NUDT16L1: variants seen among roughly 807,000 people sequenced by gnomAD.
NUDT16L1 encodes nudix hydrolase 16 like 1, also known as tudor-interacting repair regulator protein.
NUDT16L1 carries 19 observed loss-of-function variants against 17.3 expected under a neutral mutation model. The ratio of observed to expected loss-of-function variants is 1.10; its 90% CI spans 0.77 to 1.61. The LOEUF (loss-of-function observed/expected upper bound fraction) is 1.61. NUDT16L1 is among the 40% of genes most tolerant of loss of function. The pLI, the probability that NUDT16L1 is intolerant of heterozygous loss-of-function variation, is 0.00. For synonymous variants in NUDT16L1, 255 were observed against 138.6 expected, an observed-to-expected ratio of 1.84 and a Z score of -5.90; for missense variants, 341 against 292.0, an observed-to-expected ratio of 1.17 and a Z score of -1.22.
At chr16:4,695,539 G>C (rs1227762766) in exon 3 of NUDT16L1, 2 of 467,936 alleles carry the variant, frequency 4.3e-6, no homozygotes, top group African/African-American at 3.9e-5. Context: ...GGACCACTCA[G>C]AAGATGGGAT....
intron 2 of NUDT16L1, 189 bp from the exon 3 acceptor site, chr16:4,694,769 T>G: frequency 1.4e-6 from 2 of 1,430,334 alleles, no homozygotes; most frequent in Non-Finnish European, 1.8e-6. Flanking sequence ...CCACACTTGC[T>G]TGGGGAGGAG....
rs1341001578 is a variant in NUDT16L1, at chr16:4,695,391, G to A, written c.*212G>A. ...CCTCTCAGGCAGAGCAGGGTGGTCC[G>A]GGCACACTGGGCCTGCCTCTCCAGC... is the stretch of plus-strand genomic sequence containing the variant. On this transcript the variant is annotated 3_prime_UTR_variant, in exon 3 of 3. Coordinates refer to ENST00000304301, the Ensembl canonical transcript of NUDT16L1. 2.0e-5 allele frequency: 12 copies of A among 601,714 alleles called. No homozygotes were observed. The Admixed American group carries it at 2.4e-4, about 12-fold the overall frequency. 37.3% of individuals were successfully genotyped at this position (601,714 alleles called of 1,614,324 possible).
Position 4,694,850 on chromosome 16 carries a change from G to A in NUDT16L1, c.415-108G>A. On this transcript the variant is annotated intron_variant, in intron 2 of 2. Coordinates refer to ENST00000304301, the Ensembl canonical transcript of NUDT16L1. ...TGCGTGGGTCTCCCATTAAGTCCTT[G>A]GCAAAGCTGGCTGCTCATACCCTGG... The A allele has an allele frequency of 3.4e-6, 5 of 1,477,182 alleles. No homozygotes were observed. In the South Asian group the frequency reaches 4.0e-5, roughly 12 times the overall value. 91.5% of individuals were successfully genotyped at this position (1,477,182 alleles called of 1,614,324 possible).
At chr16:4,694,607 G>A (rs1185383470) in intron 2 of NUDT16L1, 2 of 1,430,084 alleles carry the variant, frequency 1.4e-6, no homozygotes, top group Non-Finnish European at 1.8e-6. Context: ...CCTCATGTTG[G>A]GCGTGAAGGC....
intron 2 of NUDT16L1, chr16:4,694,507 GA>G: frequency 6.7e-7 from 1 of 1,494,840 alleles, no homozygotes; most frequent in Non-Finnish European, 8.9e-7. Context: ...GGGGGAGTGG[GA>G]TCGGTGGGGA....
intron 2 of NUDT16L1, 23 bp downstream of exon 2, chr16:4,694,261 GC>G (rs1003414982): frequency 6.2e-6 from 9 of 1,457,150 alleles, no homozygotes; most frequent in Admixed American, 5.2e-5. Context: ...CCCGGGCCCC[GC>G]CCCCCGCCCC....
chr16:4,695,206 C>T (rs2079517154), exon 3 of NUDT16L1: 1 of 1,602,076 alleles, frequency 6.2e-7, no homozygotes, highest in Non-Finnish European at 8.5e-7. Context: ...TGGCACCCTC[C>T]CCTGGGCCGG....
intron 2 of NUDT16L1, 86 bp from the exon 3 acceptor site, chr16:4,694,872 C>T (rs536385266): frequency 1.3e-5 from 20 of 1,510,740 alleles, no homozygotes; most frequent in African/African-American, 1.1e-4. Context: ...TGCTCATACC[C>T]TGGCCTCATA....
chr16:4,695,758 TTCCCAGGGACAGTCAGGGCCTCGGGGG>T (rs1238972096), exon 3 of NUDT16L1: 1 of 397,802 alleles, frequency 2.5e-6, no homozygotes, highest in African/African-American at 2.1e-5. Context: ...CGTGGCTTGG[TTCCCAGGGACAGTCAGGGCCTCGGGGG>T]CCCAGCTATG....
chr16:4,694,274 G>C (rs1238575998), intron 2 of NUDT16L1, 36 bp downstream of exon 2: 7 of 1,463,104 alleles, frequency 4.8e-6, no homozygotes, highest in South Asian at 1.4e-5. Context: ...CCCCGCCCCG[G>C]GGTTTGGCTC....
rs866395208 is a variant in NUDT16L1 at position 4,694,712 on chromosome 16, G to A, written c.415-246G>A. 1.9e-4 allele frequency: 269 copies of A among 1,425,266 alleles called. No homozygotes were observed. In the Middle Eastern group the frequency reaches 4.8e-3, roughly 26 times the overall value. 88.3% of individuals were successfully genotyped at this position (1,425,266 alleles called of 1,614,324 possible). Reference sequence around the variant, plus strand: ...GGGGAGCATGGGGTGCGGACCCCGGGGTGGGGTGGCCTGGGTACGAGGGGG... The same window carrying A: ...GGGGAGCATGGGGTGCGGACCCCGGAGTGGGGTGGCCTGGGTACGAGGGGG... On this transcript the variant is annotated intron_variant, in intron 2 of 2. Transcript: ENST00000304301.
chr16:4,695,361 C>A, exon 3 of NUDT16L1: 1 of 635,458 alleles, frequency 1.6e-6, no homozygotes, highest in Non-Finnish European at 2.7e-6. Context: ...TGGAACCCAG[C>A]CCATCCTCTC....
rs761024532 is a variant in NUDT16L1 at position 4,693,885 on chromosome 16, G to A, written c.153+6G>A. ...CCATGCGCTTCTCGGTGCTGGTGAGGACGGGCGAGGGCGCGGGCGAGGGTG... is the reference window on the plus strand; with the variant it reads ...CCATGCGCTTCTCGGTGCTGGTGAGAACGGGCGAGGGCGCGGGCGAGGGTG... On this transcript the variant is annotated splice_donor_region_variant and intron_variant, in intron 1 of 2. Transcript: ENST00000304301. The A allele has an allele frequency of 4.0e-6, 6 of 1,510,034 alleles. No homozygotes were observed. Among genetic ancestry groups the A allele is most frequent in the East Asian group, 5.5e-5 (2 of 36,172 alleles). 93.5% of individuals were successfully genotyped at this position (1,510,034 alleles called of 1,614,324 possible).
chr16:4,693,608 G>A, upstream of NUDT16L1: 1 of 1,188,032 alleles, frequency 8.4e-7, no homozygotes, highest in Non-Finnish European at 1.1e-6. Flanking sequence ...GGGGCGCGCC[G>A]GCGATTGGCG....
exon 2 of NUDT16L1, chr16:4,694,201 A>T (rs2079483929): frequency 6.4e-7 from 1 of 1,554,032 alleles, no homozygotes; most frequent in African/African-American, 1.4e-5. Flanking sequence ...CACGCCGTGG[A>T]GATCAGCGCG....
chr16:4,694,561 A>G, intron 2 of NUDT16L1: 1 of 1,450,816 alleles, frequency 6.9e-7, no homozygotes, highest in Non-Finnish European at 9.1e-7. Flanking sequence ...GGGAGTTGGG[A>G]AACTTGAGCA....
chr16:4,694,477 C>A, intron 2 of NUDT16L1: 1 of 1,524,240 alleles, frequency 6.6e-7, no homozygotes, highest in Non-Finnish European at 8.8e-7. Flanking sequence ...TTGCTGCCTG[C>A]CATTGCCAAT....
At chr16:4,693,742 G>C (rs201973290) in exon 1 of NUDT16L1, 9 of 1,544,624 alleles carry the variant, frequency 5.8e-6, no homozygotes, top group African/African-American at 1.4e-5. Flanking sequence ...GACGGCGGCG[G>C]TTCCGGAGCT....
chr16:4,694,945 C>CCTGT lies in NUDT16L1; in HGVS notation c.415-9_415-6dup. ...GCAGGCCTGGCCCCAACCCCTACCT[C>CCTGT]CTGTCTGCGCAGGTGCTGGGCCTCG... is the stretch of plus-strand genomic sequence containing the variant. On this transcript the variant is annotated splice_polypyrimidine_tract_variant and intron_variant, in intron 2 of 2. Coordinates refer to ENST00000304301, the Ensembl canonical transcript of NUDT16L1. 6.2e-7 allele frequency: 1 copy of CCTGT among 1,600,734 alleles called. No homozygotes were observed. The highest frequency in any genetic ancestry group is 1.1e-5 in the South Asian group (1 of 89,968).
Sources: gnomAD v4.1 joint callset for allele counts on GRCh38, gnomAD v4.1.1 for gene constraint, MANE v1.5 for transcripts, NCBI Gene and HGNC (gene_info 2026-07-23, HGNC 2026-07-21) for gene names.